The following GRB10 variants were observed in gnomAD, a reference collection of about 807,000 sequenced individuals.
The protein encoded by GRB10 is growth factor receptor bound protein 10, also known as growth factor receptor-bound protein 10.
In GRB10, 20 loss-of-function variants were observed where a neutral mutation model predicts 80.9. The ratio of observed to expected loss-of-function variants is 0.25; its 90% CI spans 0.17 to 0.36. The LOEUF is 0.36. GRB10 is among the 10% of genes least tolerant of loss of function. The probability of loss-of-function intolerance (pLI) is 1.00; values close to 1 mark genes in which losing one functional copy is unlikely to be tolerated. For synonymous variants in GRB10, 291 were observed against 291.5 expected (o/e 1.00, Z 0.02); for missense variants, 548 against 747.7 (o/e 0.73, Z 3.12).
At chr7:50,765,146 G>A (rs749409149) in intron 2 of GRB10, among the ~76,000 whole-genome samples, 3 of 152,144 alleles carry the variant, frequency 2.0e-5, no homozygotes, top group Non-Finnish European at 4.4e-5. Flanking sequence ...CAGTTAAAAT[G>A]ACTATTATCA....
chr7:50,666,656 T>C (rs747399672), intron 7 of GRB10, among the ~76,000 whole-genome samples: 52 of 152,238 alleles, frequency 3.4e-4, no homozygotes, highest in Admixed American at 1.4e-3. Flanking sequence ...GTCCACATCA[T>C]GGTAGTTGCT....
chr7:50,773,418 C>G (rs189209677), intron 2 of GRB10, among the ~76,000 whole-genome samples: 1 of 30,514 alleles, frequency 3.3e-5, no homozygotes, highest in African/African-American at 7.2e-5. Context: ...GGGAAGGGGA[C>G]GGGGAAGGGA....
At chr7:50,653,009 T>C (rs61585129) in intron 7 of GRB10, among the ~76,000 whole-genome samples, 1 of 152,152 alleles carries the variant, frequency 6.6e-6, no homozygotes, top group Non-Finnish European at 1.5e-5. Context: ...TGGAATACAA[T>C]GAAGAATTTT....
At position 50,592,925 on chromosome 7, in the gene GRB10, A is replaced by G; in HGVS notation, c.*27T>C. On this transcript the variant is annotated 3_prime_UTR_variant, in exon 19 of 19. Transcript: ENST00000401949. ...CTTCACTCCAGTGTTCACTTCCTCC[A>G]GTCTTCAGCCGAGAGGACATCTGCG... is the stretch of plus-strand genomic sequence containing the variant. The G allele has an allele frequency of 6.2e-7, 1 of 1,613,194 alleles. No individual in the cohort carries two copies. The highest frequency in any genetic ancestry group is 1.3e-5 in the African/African-American group (1 of 75,018).
At chr7:50,626,207 TTC>T (rs1174902629) in intron 8 of GRB10, among the ~76,000 whole-genome samples, 1 of 152,210 alleles carries the variant, frequency 6.6e-6, no homozygotes, top group Non-Finnish European at 1.5e-5. Flanking sequence ...ATACAAAATA[TTC>T]TCTTACTTTT....
intron 7 of GRB10, among the ~76,000 whole-genome samples, chr7:50,666,836 C>T (rs1055508555): frequency 3.9e-5 from 6 of 152,022 alleles, no homozygotes; most frequent in Admixed American, 2.0e-4. Flanking sequence ...GACAGGAGAT[C>T]GAGACCATCC....
chr7:50,702,213 T>C (rs17547664), intron 5 of GRB10, among the ~76,000 whole-genome samples: 10,987 of 152,246 alleles, frequency 0.072, 630 homozygotes, highest in South Asian at 0.12. Context: ...TCACATGCAC[T>C]ACAATTCCTC....
At chr7:50,600,236 G>A (rs913909941) in intron 17 of GRB10, among the ~76,000 whole-genome samples, 9 of 152,134 alleles carry the variant, frequency 5.9e-5, no homozygotes, top group South Asian at 2.1e-4. Context: ...ACTCAAAAAC[G>A]TCACAGAAAG....
intron 4 of GRB10, among the ~76,000 whole-genome samples, chr7:50,731,599 C>T (rs1237352123): frequency 6.6e-6 from 1 of 152,182 alleles, no homozygotes; most frequent in Non-Finnish European, 1.5e-5. Flanking sequence ...AGACCATCCC[C>T]TAACAATGAA....
intron 5 of GRB10, among the ~76,000 whole-genome samples, chr7:50,696,959 A>G (rs1424639296): frequency 6.6e-6 from 1 of 152,224 alleles, no homozygotes; most frequent in Non-Finnish European, 1.5e-5. Context: ...GTCCATCCAC[A>G]CAATGGAATA....
chr7:50,663,295 AC>A (rs1243656210), intron 7 of GRB10, among the ~76,000 whole-genome samples: 5 of 152,106 alleles, frequency 3.3e-5, no homozygotes, highest in African/African-American at 1.2e-4. Flanking sequence ...ACCTCCCTGT[AC>A]CTCTCTGGCC....
chr7:50,625,904 G>GATTCT (rs2052788990), intron 8 of GRB10, among the ~76,000 whole-genome samples: 1 of 152,164 alleles, frequency 6.6e-6, no homozygotes, highest in South Asian at 2.1e-4. Flanking sequence ...TCCAGACCTA[G>GATTCT]AGGTTTAAAT....
chr7:50,614,869 G>A lies in GRB10; in HGVS notation c.996C>T (p.His332=), dbSNP rs1563162309. ...STKGTSKEPR[H]LQLLADLEDS... ...CCTCCAGGTCGGCCAGCAGCTGCAG[G>A]TGTCTGGGTTCCTGTGACAACACTG... The change falls in exon 12 of 19, where the codon CAC becomes CAT. Residue 332 remains histidine (H), a synonymous_variant. Coordinates refer to ENST00000401949, the MANE Select transcript of GRB10 (RefSeq NM_001350814.2). The A allele has an allele frequency of 1.2e-6, 2 of 1,612,534 alleles. No individual in the cohort carries two copies. The highest frequency in any genetic ancestry group is 1.7e-6 in the Non-Finnish European group (2 of 1,178,630).
intron 5 of GRB10, among the ~76,000 whole-genome samples, chr7:50,688,096 G>A (rs73118814): frequency 0.074 from 11,336 of 152,246 alleles, 688 homozygotes; most frequent in South Asian, 0.12. Context: ...GCCAAACCAT[G>A]AGCTAAATGC....
intron 7 of GRB10, among the ~76,000 whole-genome samples, chr7:50,631,071 C>T (rs1237342077): frequency 6.6e-6 from 1 of 152,150 alleles, no homozygotes; most frequent in Non-Finnish European, 1.5e-5. Flanking sequence ...GTGGCCCCCA[C>T]GGGGTTGTTG....
In GRB10 at chr7:50,609,099, T is replaced by C. The variant is rs367777143; in HGVS notation, c.1195-2685A>G. 7.3e-5 allele frequency among the ~76,000 whole-genome samples: 11 copies of C among 151,546 alleles called. No homozygotes were observed. The East Asian group carries it at 1.9e-3, about 27-fold the overall frequency. Reference sequence around the variant, plus strand: ...ATCTAAAAAATTAAGAGAAAAGGAATACAAGAGAGGTGGGACAACCTGGAA... The same window carrying C: ...ATCTAAAAAATTAAGAGAAAAGGAACACAAGAGAGGTGGGACAACCTGGAA... On this transcript the variant is annotated intron_variant, in intron 13 of 18. Transcript: ENST00000401949.
intron 17 of GRB10, among the ~76,000 whole-genome samples, chr7:50,598,386 A>C (rs1563104283): frequency 1.3e-5 from 2 of 152,202 alleles, no homozygotes; most frequent in Admixed American, 6.5e-5. Context: ...GAAGTTGTAA[A>C]CACGGCCCAG....
At chr7:50,729,144 T>C (rs965631374) in intron 4 of GRB10, among the ~76,000 whole-genome samples, 4 of 152,204 alleles carry the variant, frequency 2.6e-5, no homozygotes, top group Non-Finnish European at 4.4e-5. Flanking sequence ...GTTGCCATTA[T>C]CTCCACCAAA....
intron 5 of GRB10, among the ~76,000 whole-genome samples, chr7:50,681,380 G>A (rs1359474494): frequency 2.0e-5 from 3 of 152,136 alleles, no homozygotes; most frequent in South Asian, 2.1e-4. Context: ...CCAGTCTTCC[G>A]GCCTCCTCTT....
Sources: gnomAD v4.1 joint callset for allele counts (sites outside exome capture counted in the v4.1 genomes callset) on GRCh38, gnomAD v4.1.1 for gene constraint, MANE v1.5 for transcripts, NCBI Gene and HGNC (gene_info 2026-07-23, HGNC 2026-07-21) for gene names.